Variants in THSD7B observed in about 807,000 individuals in gnomAD.
The protein encoded by THSD7B is thrombospondin type-1 domain-containing protein 7B.
Under a neutral mutation model 213.6 loss-of-function variants are expected in THSD7B, and 138 were observed. That is an observed-to-expected ratio of 0.65 (90% CI 0.56 to 0.74). The LOEUF (loss-of-function observed/expected upper bound fraction) is 0.74, where lower values mean the gene tolerates loss of function less well. Ranked by LOEUF, THSD7B falls within the 30% of genes least tolerant of loss-of-function variation. The probability of loss-of-function intolerance (pLI) is 0.00; values close to 1 mark genes in which losing one functional copy is unlikely to be tolerated. For synonymous variants in THSD7B, 742 were observed against 687.0 expected (o/e 1.08, Z -1.25); for missense variants, 1,931 against 1,991.5 (o/e 0.97, Z 0.58).
chr2:137,160,410 A>G (rs1558942276), intron 6 of THSD7B, 42 bp downstream of exon 6: 1 of 1,601,032 alleles, frequency 6.2e-7, no homozygotes, highest in South Asian at 1.1e-5. Context: ...CTGTCAGCGT[A>G]CAAACATTTA....
intron 26 of THSD7B, among the ~76,000 whole-genome samples, chr2:137,664,009 A>G (rs138749609): frequency 0.025 from 3,832 of 151,950 alleles, 140 homozygotes; most frequent in African/African-American, 0.086. Context: ...CTGCCACCAC[A>G]CCTGACTAAT....
chr2:137,295,791 A>G (rs1286489147), intron 12 of THSD7B, among the ~76,000 whole-genome samples: 1 of 152,092 alleles, frequency 6.6e-6, no homozygotes, highest in African/African-American at 2.4e-5. Flanking sequence ...CTTTTTAGGT[A>G]GTAGAATTTC....
At chr2:137,212,721 C>T (rs1051977132) in intron 7 of THSD7B, among the ~76,000 whole-genome samples, 5 of 152,022 alleles carry the variant, frequency 3.3e-5, no homozygotes, top group Admixed American at 2.6e-4. Flanking sequence ...TTAAGGCAAT[C>T]CATCATCAGC....
chr2:137,228,874 T>A (rs1468089726), intron 7 of THSD7B, among the ~76,000 whole-genome samples: 1 of 152,218 alleles, frequency 6.6e-6, no homozygotes, highest in East Asian at 1.9e-4. Flanking sequence ...TATCCCATCA[T>A]ATGCCTTGGA....
chr2:137,621,599 G>C (rs1682521200), intron 20 of THSD7B, among the ~76,000 whole-genome samples: 1 of 152,166 alleles, frequency 6.6e-6, no homozygotes, highest in Non-Finnish European at 1.5e-5. Flanking sequence ...GGGCCCATGG[G>C]AGAGAAAGCA....
At chr2:137,274,825 A>T (rs1041363440) in intron 11 of THSD7B, among the ~76,000 whole-genome samples, 1 of 152,156 alleles carries the variant, frequency 6.6e-6, no homozygotes, top group Non-Finnish European at 1.5e-5. Context: ...GTAAATTTAT[A>T]ACAATCTAAA....
intron 14 of THSD7B, among the ~76,000 whole-genome samples, chr2:137,426,581 C>A (rs1347859845): frequency 6.6e-6 from 1 of 152,100 alleles, no homozygotes; most frequent in African/African-American, 2.4e-5. Context: ...AAAAGAGAGT[C>A]TCTTTGATAA....
At chr2:136,932,458 T>C (rs1054452139) in intron 2 of THSD7B, among the ~76,000 whole-genome samples, 3 of 130,284 alleles carry the variant, frequency 2.3e-5, no homozygotes, top group Admixed American at 7.4e-5. Context: ...CTTATAACTT[T>C]TGACTGTTTT....
At chr2:136,767,245 G>A (rs1681417536) in intron 1 of THSD7B, among the ~76,000 whole-genome samples, 1 of 152,166 alleles carries the variant, frequency 6.6e-6, no homozygotes, top group Admixed American at 6.5e-5. Context: ...ACTCAGTGGT[G>A]AGTGAAAGCT....
chr2:137,281,474 T>A (rs1250579372), intron 12 of THSD7B, among the ~76,000 whole-genome samples: 1 of 151,988 alleles, frequency 6.6e-6, no homozygotes, highest in Admixed American at 6.6e-5. Context: ...TTGTTACATA[T>A]GTATACATGT....
chr2:137,514,507 G>C (rs1680030771), intron 15 of THSD7B, among the ~76,000 whole-genome samples: 1 of 152,130 alleles, frequency 6.6e-6, no homozygotes, highest in Non-Finnish European at 1.5e-5. Context: ...GATACTGTGA[G>C]TTAATACTCC....
intron 17 of THSD7B, among the ~76,000 whole-genome samples, chr2:137,585,008 A>C (rs1681686306): frequency 6.6e-6 from 1 of 152,080 alleles, no homozygotes. Flanking sequence ...TATTGCCTCA[A>C]TTTCAGAGCC....
intron 14 of THSD7B, among the ~76,000 whole-genome samples, chr2:137,441,310 C>T (rs1420873469): frequency 6.6e-6 from 1 of 152,050 alleles, no homozygotes; most frequent in Non-Finnish European, 1.5e-5. Context: ...CTGAGCCTCC[C>T]CAGCAGAACC....
chr2:137,506,033 G>A (rs1679826261), intron 15 of THSD7B, among the ~76,000 whole-genome samples: 2 of 152,156 alleles, frequency 1.3e-5, no homozygotes, highest in Non-Finnish European at 2.9e-5. Flanking sequence ...GTGGACTCTG[G>A]ATTGGTCTGT....
chr2:137,252,390 G>A (rs975240730), intron 10 of THSD7B, among the ~76,000 whole-genome samples: 11 of 151,982 alleles, frequency 7.2e-5, no homozygotes, highest in African/African-American at 2.7e-4. Flanking sequence ...TATAAATGCT[G>A]GGATTACAGT....
At chr2:136,809,670 C>T (rs1376611774) in intron 1 of THSD7B, among the ~76,000 whole-genome samples, 2 of 152,060 alleles carry the variant, frequency 1.3e-5, no homozygotes, top group East Asian at 1.9e-4. Flanking sequence ...AAAAGTCTTA[C>T]GAGGATTCTT....
intron 3 of THSD7B, among the ~76,000 whole-genome samples, chr2:137,076,988 A>G (rs1470775486): frequency 2.6e-5 from 2 of 77,000 alleles, no homozygotes; most frequent in Non-Finnish European, 4.7e-5. Context: ...CCCCCACCCC[A>G]CAACAGGCCC....
chr2:137,041,825 A>G (rs896434619), intron 2 of THSD7B, among the ~76,000 whole-genome samples: 2 of 152,152 alleles, frequency 1.3e-5, no homozygotes, highest in African/African-American at 4.8e-5. Flanking sequence ...ATAATTCGCT[A>G]ATGTGTGGCC....
chr2:136,856,099 A>G (rs553285546), intron 1 of THSD7B, among the ~76,000 whole-genome samples: 44 of 152,234 alleles, frequency 2.9e-4, no homozygotes, highest in Non-Finnish European at 4.4e-4. Context: ...AATTTTGTGT[A>G]ATTATTTGTT....
Sources: gnomAD v4.1 joint callset for allele counts (sites outside exome capture counted in the v4.1 genomes callset) on GRCh38, gnomAD v4.1.1 for gene constraint, MANE v1.5 for transcripts, NCBI Gene and HGNC (gene_info 2026-07-23, HGNC 2026-07-21) for gene names.